Variants in MLLT10 observed in about 807,000 individuals in gnomAD.
The protein encoded by MLLT10 is MLLT10 histone lysine methyltransferase DOT1L cofactor.
A neutral mutation model predicts 129.1 loss-of-function variants in MLLT10; 30 were observed. The ratio of observed to expected loss-of-function variants is 0.23; its 90% CI spans 0.17 to 0.32. The LOEUF (loss-of-function observed/expected upper bound fraction) is 0.32, where lower values mean the gene tolerates loss of function less well. Among genes scored for constraint, MLLT10 ranks in the 10% least tolerant of loss-of-function variants. The pLI is 1.00. For synonymous variants in MLLT10, 490 were observed against 446.4 expected, an observed-to-expected ratio of 1.10 and a Z score of -1.23; for missense variants, 1,119 against 1,268.3, an observed-to-expected ratio of 0.88 and a Z score of 1.79.
At chr10:21,572,588 G>A (rs1490085066) in intron 3 of MLLT10, among the ~76,000 whole-genome samples, 2 of 151,454 alleles carry the variant, frequency 1.3e-5, no homozygotes, top group African/African-American at 4.8e-5. Context: ...TTAGCCTTTG[G>A]TCTTGCATGT....
intron 14 of MLLT10, among the ~76,000 whole-genome samples, chr10:21,722,722 G>T (rs1191813642): frequency 6.6e-6 from 1 of 152,064 alleles, no homozygotes; most frequent in Non-Finnish European, 1.5e-5. Flanking sequence ...AAAAGGTGGG[G>T]GTTTCTTGGC....
rs1174052571 is a variant in MLLT10 at position 21,742,344 on chromosome 10, A to C, written c.*361A>C. The C allele has an allele frequency of 1.6e-5, 4 of 252,128 alleles. No homozygotes were observed. Among genetic ancestry groups the C allele is most frequent in the Non-Finnish European group, 3.0e-5 (4 of 131,660 alleles). The allele number at this position is 252,128 out of a possible 1,614,324, so 15.6% of individuals were successfully genotyped here. A position where few individuals can be genotyped will look rare whatever the true frequency, so the allele number is the denominator to read the frequency against. Reference sequence around the variant, plus strand: ...AATTGGAGATGCAAATAGCAAAACTAAATACTTGCTCCATTTACAAACTAC... The same window carrying C: ...AATTGGAGATGCAAATAGCAAAACTCAATACTTGCTCCATTTACAAACTAC... On this transcript the variant is annotated 3_prime_UTR_variant, in exon 23 of 23. Transcript: ENST00000307729.
chr10:21,646,474 G>A (rs1477220024), intron 8 of MLLT10, among the ~76,000 whole-genome samples: 2 of 150,098 alleles, frequency 1.3e-5, no homozygotes, highest in African/African-American at 4.9e-5. Context: ...TTTAAATTTT[G>A]AAAACTTTTT....
intron 2 of MLLT10, among the ~76,000 whole-genome samples, chr10:21,537,058 G>A (rs1197916907): frequency 2.0e-5 from 3 of 152,092 alleles, no homozygotes; most frequent in Non-Finnish European, 2.9e-5. Flanking sequence ...AAACTGCTGG[G>A]ATTACAGGTG....
chr10:21,741,061 T>C (rs551813507), intron 22 of MLLT10, among the ~76,000 whole-genome samples: 1 of 152,344 alleles, frequency 6.6e-6, no homozygotes, highest in South Asian at 2.1e-4. Context: ...AAGTTTTGTT[T>C]ACTGTGCTTT....
intron 14 of MLLT10, 133 bp downstream of exon 14, chr10:21,714,083 T>A: frequency 1.4e-6 from 1 of 700,950 alleles, no homozygotes; most frequent in Non-Finnish European, 2.2e-6. Flanking sequence ...TGTATTAATG[T>A]ATTAGTGAAA....
intron 3 of MLLT10, among the ~76,000 whole-genome samples, chr10:21,581,956 A>T: frequency 6.6e-6 from 1 of 152,318 alleles, no homozygotes; most frequent in Middle Eastern, 3.4e-3. Context: ...CTGTCATGTT[A>T]CTATGGCTAT....
intron 5 of MLLT10, among the ~76,000 whole-genome samples, chr10:21,604,139 T>C (rs1254072577): frequency 6.6e-6 from 1 of 152,186 alleles, no homozygotes; most frequent in Non-Finnish European, 1.5e-5. Context: ...ATAGGTGTGC[T>C]GTATCCCAGT....
chr10:21,627,697 A>G (rs1286650563), intron 8 of MLLT10, among the ~76,000 whole-genome samples: 1 of 152,068 alleles, frequency 6.6e-6, no homozygotes, highest in Non-Finnish European at 1.5e-5. Flanking sequence ...CCTAGATTTT[A>G]TCTTTCTCTG....
Position 21,733,057 on chromosome 10 carries a change from C to T in MLLT10, c.2377C>T (p.His793Tyr), listed in dbSNP as rs766153632. The change falls in exon 18 of 23, where the codon CAT becomes TAT. Residue 793 changes from histidine to tyrosine, a missense_variant. Physicochemically the swap from His to Tyr is moderately conservative, Grantham distance 83 (BLOSUM62 2). Coordinates refer to ENST00000307729, the MANE Select transcript of MLLT10 (RefSeq NM_001195626.3). ...AATAACAGCAAATCCTAGTCCGTCT[C>T]ATCAAATACACACATTTTCAGCACA... ...PTITANPSPSHQIHTFSAQTA... is the reference protein window; with the variant it reads ...PTITANPSPSYQIHTFSAQTA... 7 of 1,612,042 alleles carry T rather than the reference C, an allele frequency of 4.3e-6. No individual in the cohort carries two copies. In the South Asian group the frequency reaches 5.5e-5, roughly 13 times the overall value.
chr10:21,719,831 T>A (rs769049431), intron 14 of MLLT10, among the ~76,000 whole-genome samples: 14 of 152,352 alleles, frequency 9.2e-5, no homozygotes, highest in Admixed American at 6.5e-5. Flanking sequence ...CTCTTCAGCC[T>A]AATTACCAGT....
chr10:21,664,989 C>T (rs183994283), intron 9 of MLLT10, among the ~76,000 whole-genome samples: 133 of 146,620 alleles, frequency 9.1e-4, no homozygotes, highest in Middle Eastern at 7.1e-3. Flanking sequence ...TCTGTCACCC[C>T]GGCTGGAGTG....
chr10:21,595,356 G>C lies in MLLT10; in HGVS notation c.321G>C (p.Leu107=), dbSNP rs189659301. The C allele has an allele frequency of 3.7e-6, 6 of 1,613,652 alleles. No individual in the cohort carries two copies. Among genetic ancestry groups the C allele is most frequent in the East Asian group, 4.5e-5 (2 of 44,830 alleles). ...NGGWAHVVCA[L]YIPEVQFANV... ...GTTGGGCCCATGTGGTTTGTGCCCT[G>C]TATATTCCAGAGGTACAATTTGCCA... The change falls in exon 5 of 23, where the codon CTG becomes CTC. Residue 107 remains leucine, a synonymous_variant. Transcript: ENST00000307729.
At chr10:21,670,300 G>T in intron 9 of MLLT10, 149 bp from the exon 10 acceptor site, 13 of 614,948 alleles carry the variant, frequency 2.1e-5, no homozygotes, top group South Asian at 8.3e-5. Context: ...ATTGTTTTTG[G>T]ATGATTTTCT....
chr10:21,672,890 A>G (rs2051619315), intron 10 of MLLT10, among the ~76,000 whole-genome samples: 1 of 152,210 alleles, frequency 6.6e-6, no homozygotes, highest in Non-Finnish European at 1.5e-5. Flanking sequence ...ATTTTCAATC[A>G]TACCTTCAAT....
At chr10:21,687,647 G>A (rs1435222117) in intron 13 of MLLT10, among the ~76,000 whole-genome samples, 1 of 152,200 alleles carries the variant, frequency 6.6e-6, no homozygotes. Context: ...GAATCACTTG[G>A]TAAGGGATAA....
At chr10:21,556,622 A>G (rs2038027297) in intron 3 of MLLT10, 2 of 1,585,094 alleles carry the variant, frequency 1.3e-6, no homozygotes, top group Non-Finnish European at 1.7e-6. Flanking sequence ...TGAATAAGGG[A>G]TTGTTTTGAT....
At position 21,713,847 on chromosome 10, in the gene MLLT10, C is replaced by T. The variant is rs780736206; in HGVS notation, c.1775C>T (p.Ser592Phe). ...VSGSGSSTPV[S>F]SSHLPQQSSG... ...GGCTCGGGATCTAGTACTCCTGTCT[C>T]CAGCTCTCACTTACCTCAGCAGTCT... The change falls in exon 14 of 23, where the codon TCC becomes TTC. Residue 592 changes from serine (S) to phenylalanine (F), a missense_variant. By Grantham distance (155) the Ser-to-Phe change is radical. Transcript: ENST00000307729. 1.1e-5 allele frequency: 17 copies of T among 1,614,122 alleles called. No individual in the cohort carries two copies. The highest frequency in any genetic ancestry group is 8.3e-5 in the Admixed American group (5 of 60,022).
chr10:21,627,697 ATCTTTC>A (rs1814331631), intron 8 of MLLT10, among the ~76,000 whole-genome samples: 1 of 152,068 alleles, frequency 6.6e-6, no homozygotes, highest in Non-Finnish European at 1.5e-5. Context: ...CCTAGATTTT[ATCTTTC>A]TCTGGGAGCC....
Sources: gnomAD v4.1 joint callset for allele counts (sites outside exome capture counted in the v4.1 genomes callset) on GRCh38, gnomAD v4.1.1 for gene constraint, MANE v1.5 for transcripts, NCBI Gene and HGNC (gene_info 2026-07-23, HGNC 2026-07-21) for gene names.